The following RTL4 variants were observed in gnomAD, a reference collection of about 807,000 sequenced individuals.
RTL4 encodes retrotransposon Gag-like protein 4.
RTL4 carries 4 observed loss-of-function variants against 5.3 expected under a neutral mutation model. That is an observed-to-expected ratio of 0.75 (90% CI 0.37 to 1.72). The LOEUF (loss-of-function observed/expected upper bound fraction) is 1.72. Ranked by LOEUF, RTL4 falls within the 40% of genes most tolerant of loss-of-function variation. The pLI, the probability that RTL4 is intolerant of heterozygous loss-of-function variation, is 0.04. For synonymous variants in RTL4, 98 were observed against 87.3 expected (o/e 1.12, Z -0.68); for missense variants, 260 against 227.1 (o/e 1.14, Z -0.93).
the RTL4 span, among the ~76,000 whole-genome samples, chrX:112,413,510 C>G: frequency 9.0e-6 from 1 of 111,488 alleles, no homozygotes; most frequent in African/African-American, 3.3e-5. Flanking sequence ...AAGTGGAGTA[C>G]TATTCAGCTT....
chrX:112,100,148 G>A, the RTL4 span, among the ~76,000 whole-genome samples: 1 of 111,726 alleles, frequency 9.0e-6, no homozygotes, highest in Non-Finnish European at 1.9e-5. Flanking sequence ...AGTGCGAAAT[G>A]TTCCAGAAAG....
chrX:112,199,901 G>C, the RTL4 span, among the ~76,000 whole-genome samples: 1 of 112,160 alleles, frequency 8.9e-6, no homozygotes, highest in Non-Finnish European at 1.9e-5. Context: ...ACTAGTAATG[G>C]TAGTAGTCAT....
the RTL4 span, among the ~76,000 whole-genome samples, chrX:112,145,974 A>G: frequency 8.9e-6 from 1 of 112,347 alleles, no homozygotes; most frequent in South Asian, 3.7e-4. Context: ...ATGAGAAGGC[A>G]CTGTGGGATG....
the RTL4 span, among the ~76,000 whole-genome samples, chrX:112,112,562 C>T: frequency 8.9e-6 from 1 of 112,311 alleles, no homozygotes; most frequent in African/African-American, 3.2e-5. Flanking sequence ...ATTTGAATTG[C>T]TGTAAGCAGA....
At chrX:112,252,611 G>A in the RTL4 span, among the ~76,000 whole-genome samples, 12 of 110,621 alleles carry the variant, frequency 1.1e-4, no homozygotes, top group East Asian at 2.9e-4. Context: ...CTTTTTCCCC[G>A]CTGGCTCTGC....
chrX:112,224,521 C>G, the RTL4 span, among the ~76,000 whole-genome samples: 6 of 108,642 alleles, frequency 5.5e-5, no homozygotes, highest in African/African-American at 2.0e-4. Context: ...TTTGTATTTT[C>G]AGTAGAGACG....
chrX:112,238,260 C>T, the RTL4 span, among the ~76,000 whole-genome samples: 2 of 111,910 alleles, frequency 1.8e-5, no homozygotes, highest in African/African-American at 3.2e-5. Flanking sequence ...ATGTCTATCA[C>T]CATAAACAAT....
chrX:112,271,087 C>T, the RTL4 span, among the ~76,000 whole-genome samples: 1 of 99,757 alleles, frequency 1.0e-5, no homozygotes, highest in Non-Finnish European at 2.0e-5. Flanking sequence ...AATGGAACAA[C>T]AGTAGTCCAC....
the RTL4 span, among the ~76,000 whole-genome samples, chrX:112,415,504 G>T: frequency 9.0e-6 from 1 of 111,011 alleles, no homozygotes; most frequent in African/African-American, 3.3e-5. Context: ...ATGCTGCTGT[G>T]AACACTGCAG....
chrX:112,396,286 C>G, the RTL4 span, among the ~76,000 whole-genome samples: 1 of 111,180 alleles, frequency 9.0e-6, no homozygotes, highest in Admixed American at 9.6e-5. Context: ...TCTCTCTATT[C>G]ATCATGTGGC....
At chrX:112,272,672 C>T in the RTL4 span, among the ~76,000 whole-genome samples, 7,354 of 111,200 alleles carry the variant, frequency 0.066, 571 homozygotes, top group African/African-American at 0.23. Flanking sequence ...ATTTCACATA[C>T]CATGTAGTCT....
At chrX:112,161,273 G>T in the RTL4 span, among the ~76,000 whole-genome samples, 1 of 111,742 alleles carries the variant, frequency 8.9e-6, no homozygotes, top group African/African-American at 3.3e-5. Flanking sequence ...TGCCTATGTG[G>T]TGGTGTATGT....
the RTL4 span, among the ~76,000 whole-genome samples, chrX:112,239,703 A>G: frequency 9.0e-6 from 1 of 111,687 alleles, no homozygotes; most frequent in East Asian, 2.8e-4. Flanking sequence ...ACAGAAAAGG[A>G]GCTGAACTTC....
chrX:112,353,418 G>A, the RTL4 span, among the ~76,000 whole-genome samples: 6 of 111,260 alleles, frequency 5.4e-5, no homozygotes, highest in East Asian at 1.1e-3. Context: ...CAATGGCAAA[G>A]ACTTGGAACC....
chrX:112,181,073 AG>A, the RTL4 span, among the ~76,000 whole-genome samples: 320 of 111,618 alleles, frequency 2.9e-3, no homozygotes, highest in Middle Eastern at 0.023. Context: ...GGGAAGTGCA[AG>A]GCGTCAGGGA....
the RTL4 span, chrX:112,381,364 A>G: frequency 1.9e-3 from 2,263 of 1,206,379 alleles, 29 homozygotes; most frequent in African/African-American, 0.035. Flanking sequence ...AGGTAGAGAC[A>G]AGCCTTAAAG....
At chrX:112,206,367 C>T in the RTL4 span, among the ~76,000 whole-genome samples, 1 of 111,384 alleles carries the variant, frequency 9.0e-6, no homozygotes, top group African/African-American at 3.3e-5. Flanking sequence ...ATTGCCCCTC[C>T]TCAAATCTTC....
the RTL4 span, among the ~76,000 whole-genome samples, chrX:112,265,873 C>A: frequency 2.7e-5 from 3 of 109,839 alleles, no homozygotes; most frequent in African/African-American, 1.0e-4. Flanking sequence ...GCCACCTTCA[C>A]TCTAGAACTA....
the RTL4 span, among the ~76,000 whole-genome samples, chrX:112,393,170 T>TTTTTTTTTTTTTTTTTTTTG: frequency 1.0e-5 from 1 of 99,239 alleles, no homozygotes; most frequent in African/African-American, 4.4e-5. Flanking sequence ...TGTTTTTTTT[T>TTTTTTTTTTTTTTTTTTTTG]TTTGTTTGTT....
Sources: allele counts gnomAD v4.1 joint callset (sites outside exome capture counted in the v4.1 genomes callset), GRCh38; gene constraint gnomAD v4.1.1; transcripts MANE v1.5; gene names NCBI Gene and HGNC (gene_info 2026-07-23, HGNC 2026-07-21).